The following MEIS2 variants were observed in gnomAD, a reference collection of about 807,000 sequenced individuals.
MEIS2 encodes the protein Meis homeobox 2, also known as homeobox protein Meis2.
MEIS2 carries 9 observed loss-of-function variants against 58.6 expected under a neutral mutation model. That is an observed-to-expected ratio of 0.15 (90% confidence interval 0.09 to 0.27). The LOEUF (loss-of-function observed/expected upper bound fraction) is 0.27, where lower values mean the gene tolerates loss of function less well. Ranked by LOEUF, MEIS2 falls within the 10% of genes least tolerant of loss-of-function variation. The pLI is 1.00. For synonymous variants in MEIS2, 221 were observed against 228.4 expected (o/e 0.97, Z 0.29); for missense variants, 427 against 635.0 (o/e 0.67, Z 3.52).
intron 6 of MEIS2, among the ~76,000 whole-genome samples, chr15:37,092,744 T>TTTTTTTTC: frequency 8.3e-6 from 1 of 120,782 alleles, no homozygotes; most frequent in Non-Finnish European, 1.7e-5. Flanking sequence ...TTTTTTTTTT[T>TTTTTTTTC]TTTAGCATCA....
intron 9 of MEIS2, among the ~76,000 whole-genome samples, chr15:36,920,509 G>C (rs903273932): frequency 2.0e-5 from 3 of 152,206 alleles, no homozygotes; most frequent in Non-Finnish European, 2.9e-5. Flanking sequence ...ATCTTAGAAG[G>C]CTAAAGGGGA....
intron 8 of MEIS2, among the ~76,000 whole-genome samples, chr15:36,978,237 C>T (rs1051138496): frequency 6.6e-6 from 1 of 152,192 alleles, no homozygotes; most frequent in African/African-American, 2.4e-5. Flanking sequence ...TAAGGATTAA[C>T]CTTTTGTTAA....
In MEIS2 at chr15:36,919,526, G is replaced by A. The variant is rs975777491; in HGVS notation, c.978-22840C>T. ...CCGGGAGGCAGAAGTTGTGGGAGTCGAGATTGCGCCACTGCACTCTAGCCT... is the reference window on the plus strand; with the variant it reads ...CCGGGAGGCAGAAGTTGTGGGAGTCAAGATTGCGCCACTGCACTCTAGCCT... On this transcript the variant is annotated intron_variant, in intron 9 of 11. Coordinates refer to ENST00000561208, the MANE Select transcript of MEIS2 (RefSeq NM_170675.5). 2.7e-5 allele frequency among the ~76,000 whole-genome samples: 4 copies of A among 150,562 alleles called. No homozygotes were observed. The South Asian group carries it at 6.3e-4, about 24-fold the overall frequency.
chr15:37,079,132 G>GC (rs1891853410), intron 7 of MEIS2, among the ~76,000 whole-genome samples: 1 of 151,958 alleles, frequency 6.6e-6, no homozygotes, highest in Non-Finnish European at 1.5e-5. Context: ...TATTTGGGGG[G>GC]AGAAAAGAGA....
At chr15:37,079,691 T>A (rs965251962) in intron 7 of MEIS2, among the ~76,000 whole-genome samples, 1 of 152,176 alleles carries the variant, frequency 6.6e-6, no homozygotes, top group Non-Finnish European at 1.5e-5. Context: ...AACAACTGTA[T>A]AATACATAAA....
In MEIS2 at chr15:37,098,010, C is replaced by T. The variant is rs1424515511; in HGVS notation, c.202G>A (p.Ala68Thr). ...TCCCGCTTCAAGGCGTCGTTGACAGCGGATCCCATACTGGCCGGCATGACA... is the reference window on the plus strand; with the variant it reads ...TCCCGCTTCAAGGCGTCGTTGACAGTGGATCCCATACTGGCCGGCATGACA... ...PNVMPASMGS[A>T]VNDALKRDKD... Residue 68 changes from alanine to threonine, a missense_variant, in exon 2 of 12, where the codon GCT becomes ACT. Physicochemically the swap from Ala to Thr is moderately conservative, Grantham distance 58. Transcript: ENST00000561208. The T allele has an allele frequency of 6.2e-7, 1 of 1,610,842 alleles. No individual in the cohort carries two copies. The highest frequency in any genetic ancestry group is 1.3e-5 in the African/African-American group (1 of 74,962).
chr15:36,924,384 C>A (rs2057657416), intron 9 of MEIS2, among the ~76,000 whole-genome samples: 1 of 152,192 alleles, frequency 6.6e-6, no homozygotes, highest in South Asian at 2.1e-4. Flanking sequence ...TTGCAGAGTT[C>A]CCTTTCACCA....
intron 7 of MEIS2, among the ~76,000 whole-genome samples, chr15:37,054,864 C>T (rs1196110214): frequency 6.6e-6 from 1 of 152,154 alleles, no homozygotes; most frequent in Non-Finnish European, 1.5e-5. Context: ...TATTATATGC[C>T]GCTAGAGAAA....
chr15:37,013,255 G>C (rs1278729182), intron 8 of MEIS2, among the ~76,000 whole-genome samples: 1 of 152,108 alleles, frequency 6.6e-6, no homozygotes. Context: ...ACACAGAAGA[G>C]CAGAAGAGAG....
At chr15:36,974,566 A>G (rs1023502848) in intron 8 of MEIS2, among the ~76,000 whole-genome samples, 2 of 152,252 alleles carry the variant, frequency 1.3e-5, no homozygotes, top group African/African-American at 4.8e-5. Context: ...TCACGTTGAA[A>G]TAAGATCTTA....
At chr15:36,946,096 G>A (rs2058554605) in intron 9 of MEIS2, among the ~76,000 whole-genome samples, 1 of 151,848 alleles carries the variant, frequency 6.6e-6, no homozygotes, top group South Asian at 2.1e-4. Context: ...AGTTACATGA[G>A]AACATGGAGA....
At chr15:36,905,309 T>G (rs1162180673) in intron 9 of MEIS2, among the ~76,000 whole-genome samples, 1 of 152,152 alleles carries the variant, frequency 6.6e-6, no homozygotes, top group Non-Finnish European at 1.5e-5. Flanking sequence ...GAGAAAAGAA[T>G]GGTTGCTAAA....
intron 8 of MEIS2, chr15:37,036,453 C>G (rs577188843): frequency 6.7e-6 from 1 of 149,004 alleles, no homozygotes; most frequent in Non-Finnish European, 1.4e-5. Context: ...TAATCAGCAA[C>G]GTTTATGGAT....
intron 9 of MEIS2, among the ~76,000 whole-genome samples, chr15:36,923,663 A>C (rs2057615574): frequency 6.6e-6 from 1 of 152,250 alleles, no homozygotes; most frequent in Admixed American, 6.5e-5. Flanking sequence ...CGCTCTGCAG[A>C]GAAAGAGAGA....
chr15:37,000,671 T>A (rs1595899650), intron 8 of MEIS2, among the ~76,000 whole-genome samples: 1 of 152,140 alleles, frequency 6.6e-6, no homozygotes, highest in African/African-American at 2.4e-5. Flanking sequence ...TGCCTTTGAT[T>A]TTCCCCCACT....
chr15:36,931,756 A>G (rs1195678913), intron 9 of MEIS2, among the ~76,000 whole-genome samples: 2 of 152,248 alleles, frequency 1.3e-5, no homozygotes, highest in Admixed American at 1.3e-4. Context: ...AATCATGCTA[A>G]GTATAGAGCT....
intron 7 of MEIS2, among the ~76,000 whole-genome samples, chr15:37,061,691 G>T (rs182655523): frequency 6.6e-6 from 1 of 152,112 alleles, no homozygotes; most frequent in East Asian, 1.9e-4. Flanking sequence ...TTATTTCTTT[G>T]AAATAAATTA....
intron 9 of MEIS2, among the ~76,000 whole-genome samples, chr15:36,924,632 A>G (rs566016105): frequency 3.9e-4 from 60 of 152,330 alleles, no homozygotes; most frequent in Middle Eastern, 3.4e-3. Context: ...ACCTCAAAGC[A>G]TACGAGGCAC....
At chr15:37,069,630 A>G (rs893866540) in intron 7 of MEIS2, among the ~76,000 whole-genome samples, 1 of 152,126 alleles carries the variant, frequency 6.6e-6, no homozygotes. Flanking sequence ...GAAGAGTTTC[A>G]CCTCACTTGA....
Sources: allele counts gnomAD v4.1 joint callset (sites outside exome capture counted in the v4.1 genomes callset), GRCh38; gene constraint gnomAD v4.1.1; transcripts MANE v1.5; gene names NCBI Gene and HGNC (gene_info 2026-07-23, HGNC 2026-07-21).